PIP5K1C: variants seen among roughly 807,000 people sequenced by gnomAD.
PIP5K1C encodes phosphatidylinositol 4-phosphate 5-kinase type-1 gamma.
A neutral mutation model predicts 80.1 loss-of-function variants in PIP5K1C; 45 were observed. The observed-to-expected ratio is 0.56, with a 90% confidence interval of 0.44 to 0.72. The LOEUF (loss-of-function observed/expected upper bound fraction) is 0.72, where lower values mean the gene tolerates loss of function less well. PIP5K1C is among the 30% of genes least tolerant of loss of function. PIP5K1C has a pLI of 0.00. For missense variants in PIP5K1C, 753 were observed against 954.6 expected, an observed-to-expected ratio of 0.79 and a Z score of 2.78; for synonymous variants, 498 against 420.1, an observed-to-expected ratio of 1.19 and a Z score of -2.27.
intron 5 of PIP5K1C, among the ~76,000 whole-genome samples, chr19:3,657,875 C>T (rs2034691273): frequency 6.6e-6 from 1 of 152,132 alleles, no homozygotes; most frequent in Non-Finnish European, 1.5e-5. Context: ...GTCAAGGCTG[C>T]TGTGAGCTGT....
chr19:3,677,498 G>A (rs147640902), intron 1 of PIP5K1C, among the ~76,000 whole-genome samples: 28,417 of 151,018 alleles, frequency 0.19, 3,047 homozygotes, highest in African/African-American at 0.29. Context: ...CAGGAGAATC[G>A]CTTAAACCTG....
intron 1 of PIP5K1C, among the ~76,000 whole-genome samples, chr19:3,670,544 TG>T (rs979079512): frequency 6.6e-6 from 1 of 152,236 alleles, no homozygotes; most frequent in African/African-American, 2.4e-5. Flanking sequence ...CTCAGGCTCC[TG>T]GCCTCCAGAG....
At chr19:3,668,141 C>G (rs574153666) in intron 1 of PIP5K1C, among the ~76,000 whole-genome samples, 6 of 151,958 alleles carry the variant, frequency 3.9e-5, no homozygotes, top group Admixed American at 3.9e-4. Flanking sequence ...ATTGAGCCAA[C>G]GAGCCCAGGC....
In PIP5K1C at chr19:3,637,064, C is replaced by A. The variant is rs775716186; in HGVS notation, c.1920+1820G>T. On this transcript the variant is annotated intron_variant, in intron 16 of 17. Coordinates refer to ENST00000335312, the MANE Select transcript of PIP5K1C (RefSeq NM_012398.3). The surrounding 1 kb of genome is among the most constrained non-coding windows in gnomAD (Gnocchi z 7.0). ...GGGTGTGGAGAGACCATCTCCTCCC[C>A]GTCTCCATGGCCCTGCGGTTCAGAG... is the stretch of plus-strand genomic sequence containing the variant. 17 of 1,183,764 alleles carry A rather than the reference C, an allele frequency of 1.4e-5. No individual in the cohort carries two copies. Among genetic ancestry groups the A allele is most frequent in the Non-Finnish European group, 1.8e-5 (17 of 951,430 alleles). The allele number at this position is 1,183,764 out of a possible 1,614,324, so 73.3% of individuals were successfully genotyped here.
chr19:3,694,882 G>A (rs1372020389), intron 1 of PIP5K1C, among the ~76,000 whole-genome samples: 2 of 152,202 alleles, frequency 1.3e-5, no homozygotes, highest in African/African-American at 4.8e-5. Context: ...GCCCGGCTCT[G>A]GGCTGGGCAA....
rs371202972 is a variant in PIP5K1C, at chr19:3,648,743, C to T, written c.1128-35G>A. 2.1e-5 allele frequency: 34 copies of T among 1,589,156 alleles called. No individual in the cohort carries two copies. The highest frequency in any genetic ancestry group is 6.7e-5 in the African/African-American group (5 of 74,438). ...GAGGCCGAGGGTACCATCAGCATCCCGCAGAGCTGGGACTCGGGGCAGGCG... is the reference window on the plus strand; with the variant it reads ...GAGGCCGAGGGTACCATCAGCATCCTGCAGAGCTGGGACTCGGGGCAGGCG... On this transcript the variant is annotated intron_variant, in intron 8 of 17. Coordinates refer to ENST00000335312, the MANE Select transcript of PIP5K1C (RefSeq NM_012398.3). This position sits in a 1 kb window ranked among gnomAD's most constrained non-coding sequence, Gnocchi z 4.3.
chr19:3,634,370 C>T (rs1190877476), intron 16 of PIP5K1C, among the ~76,000 whole-genome samples: 1 of 151,896 alleles, frequency 6.6e-6, no homozygotes, highest in African/African-American at 2.4e-5. Context: ...GCCGCCCTGT[C>T]TTCCTTGTTG....
chr19:3,685,871 A>G (rs1418662096), intron 1 of PIP5K1C, among the ~76,000 whole-genome samples: 1 of 151,066 alleles, frequency 6.6e-6, no homozygotes, highest in Non-Finnish European at 1.5e-5. Flanking sequence ...GTTCATCTTG[A>G]TTTTTTTGTA....
At chr19:3,671,209 C>A (rs146573884) in intron 1 of PIP5K1C, among the ~76,000 whole-genome samples, 1 of 152,330 alleles carries the variant, frequency 6.6e-6, no homozygotes, top group East Asian at 1.9e-4. Context: ...CTCTGGGGCC[C>A]CCCCACACCC....
intron 16 of PIP5K1C, chr19:3,636,640 T>C (rs2033698936): frequency 1.0e-6 from 1 of 985,512 alleles, no homozygotes; most frequent in Admixed American, 6.1e-5. Flanking sequence ...TCCCGCTGGC[T>C]CCGTGGGACG....
At chr19:3,641,098 C>G (rs1217007339) in intron 15 of PIP5K1C, among the ~76,000 whole-genome samples, 1 of 151,814 alleles carries the variant, frequency 6.6e-6, no homozygotes, top group East Asian at 2.0e-4. Context: ...GCCTGTAGTC[C>G]CAGCTACTCA....
chr19:3,641,753 T>C lies in PIP5K1C; in HGVS notation c.1739A>G (p.Glu580Gly). The C allele has an allele frequency of 6.2e-7, 1 of 1,611,750 alleles. No individual in the cohort carries two copies. The highest frequency in any genetic ancestry group is 1.1e-5 in the South Asian group (1 of 91,078). The change falls in exon 15 of 18, where the codon GAG becomes GGG. Residue 580 changes from glutamate to glycine, a missense_variant. Coordinates refer to ENST00000335312, the MANE Select transcript of PIP5K1C (RefSeq NM_012398.3). ...EDLQQITVQV[E>G]PACSVEIVVP... Reference sequence around the variant, plus strand: ...CACAATCTCCACGCTGCACGCAGGCTCCACCTGCACTGTAATCTGCTGCAG... The same window carrying C: ...CACAATCTCCACGCTGCACGCAGGCCCCACCTGCACTGTAATCTGCTGCAG...
At chr19:3,686,235 T>C (rs561797535) in intron 1 of PIP5K1C, among the ~76,000 whole-genome samples, 17 of 152,068 alleles carry the variant, frequency 1.1e-4, no homozygotes, top group Middle Eastern at 3.4e-3. Context: ...TCCTAGCACT[T>C]TGGGAGGCCG....
intron 1 of PIP5K1C, among the ~76,000 whole-genome samples, chr19:3,699,355 ACTTCCACACTCTCT>A (rs1353642673): frequency 1.4e-5 from 2 of 144,068 alleles, no homozygotes; most frequent in African/African-American, 5.1e-5. Flanking sequence ...GGACTTGATG[ACTTCCACACTCTCT>A]CTCTCTCCAG....
chr19:3,654,383 A>G (rs76868209), intron 6 of PIP5K1C, among the ~76,000 whole-genome samples: 42 of 152,362 alleles, frequency 2.8e-4, no homozygotes, highest in African/African-American at 9.9e-4. Flanking sequence ...GGGCTGAGAC[A>G]GACCCACAGG....
At chr19:3,697,465 G>A (rs1160464791) in intron 1 of PIP5K1C, among the ~76,000 whole-genome samples, 1 of 151,860 alleles carries the variant, frequency 6.6e-6, no homozygotes, top group Non-Finnish European at 1.5e-5. Context: ...GCTGGACCGA[G>A]GAGGACCGAG....
chr19:3,697,382 GGAGGAGGACTGAGCTGGACC>G (rs2036155605), intron 1 of PIP5K1C, among the ~76,000 whole-genome samples: 1 of 146,782 alleles, frequency 6.8e-6, no homozygotes, highest in Non-Finnish European at 1.5e-5. Context: ...TGAGCCAGAC[GGAGGAGGACTGAGCTGGACC>G]GGGGAGTACT....
At chr19:3,695,498 G>A (rs1006198488) in intron 1 of PIP5K1C, among the ~76,000 whole-genome samples, 8 of 152,162 alleles carry the variant, frequency 5.3e-5, no homozygotes, top group African/African-American at 1.9e-4. Context: ...CAGGTACACC[G>A]AGGCTGCACA....
rs112958968 is a variant in PIP5K1C, at chr19:3,653,323, G to A, written c.888C>T (p.Ser296=). 275 of 1,610,428 alleles carry A rather than the reference G, an allele frequency of 1.7e-4. No individual in the cohort carries two copies. Among genetic ancestry groups the A allele is most frequent in the Non-Finnish European group, 2.1e-4 (247 of 1,179,968 alleles). Residue 296 remains serine (S), a synonymous_variant, in exon 7 of 18, where the codon AGC becomes AGT. Transcript: ENST00000335312. ...EGLLLDADTF[S]ALVKTLQRDC... Reference sequence around the variant, plus strand: ...CCCGCTGCAGCGTCTTGACCAGGGCGCTGAAGGTGTCGGCGTCCAGCAGGA... The same window carrying A: ...CCCGCTGCAGCGTCTTGACCAGGGCACTGAAGGTGTCGGCGTCCAGCAGGA...
Sources: gnomAD v4.1 joint callset for allele counts (sites outside exome capture counted in the v4.1 genomes callset) on GRCh38, gnomAD v4.1.1 for gene constraint, Gnocchi (gnomAD v3.1) non-coding constraint, MANE v1.5 for transcripts, NCBI Gene and HGNC (gene_info 2026-07-23, HGNC 2026-07-21) for gene names.